Variants in DGKB observed in about 807,000 individuals in gnomAD.
DGKB encodes the protein diacylglycerol kinase beta.
DGKB carries 67 observed loss-of-function variants against 114.3 expected under a neutral mutation model. That is an observed-to-expected ratio of 0.59 (90% CI 0.48 to 0.72). DGKB has a LOEUF of 0.72. Ranked by LOEUF, DGKB falls within the 30% of genes least tolerant of loss-of-function variation. The pLI is 0.00. For missense variants in DGKB, 907 were observed against 975.2 expected (o/e 0.93, Z 0.93); for synonymous variants, 398 against 323.1 (o/e 1.23, Z -2.49).
intron 15 of DGKB, among the ~76,000 whole-genome samples, chr7:14,617,904 C>T (rs1806845130): frequency 1.3e-5 from 2 of 151,674 alleles, no homozygotes; most frequent in Admixed American, 1.3e-4. Context: ...AATTCTGACT[C>T]TTAGCCCTGA....
chr7:14,573,651 A>C (rs1383694620), intron 20 of DGKB, among the ~76,000 whole-genome samples: 1 of 152,092 alleles, frequency 6.6e-6, no homozygotes, highest in Non-Finnish European at 1.5e-5. Context: ...TTTAGGATTA[A>C]AATTTTAATA....
intron 1 of DGKB, among the ~76,000 whole-genome samples, chr7:14,935,346 A>G (rs567558389): frequency 6.6e-6 from 1 of 152,190 alleles, no homozygotes; most frequent in South Asian, 2.1e-4. Flanking sequence ...CCAAGGCTTA[A>G]TAACAGGCGT....
chr7:14,297,681 C>T (rs533604928), intron 23 of DGKB, among the ~76,000 whole-genome samples: 11 of 152,228 alleles, frequency 7.2e-5, no homozygotes, highest in Non-Finnish European at 1.3e-4. Context: ...TCCTAGTCAA[C>T]ATAGTATTGG....
intron 2 of DGKB, among the ~76,000 whole-genome samples, chr7:14,784,524 C>T (rs1839591521): frequency 1.3e-5 from 2 of 151,852 alleles, no homozygotes; most frequent in South Asian, 2.1e-4. Context: ...TAGGTGCACA[C>T]CACCATGCCC....
At chr7:14,358,207 TC>T (rs1301236979) in intron 21 of DGKB, among the ~76,000 whole-genome samples, 1 of 152,208 alleles carries the variant, frequency 6.6e-6, no homozygotes, top group Non-Finnish European at 1.5e-5. Context: ...GGTTTCATTC[TC>T]CCCGTCACTT....
At chr7:14,274,624 C>T (rs141729713) in intron 23 of DGKB, among the ~76,000 whole-genome samples, 1,657 of 152,180 alleles carry the variant, frequency 0.011, 34 homozygotes, top group African/African-American at 0.038. Flanking sequence ...ATATTCATCT[C>T]TTACAGTTTA....
chr7:14,487,136 G>A (rs1179979345), intron 20 of DGKB, among the ~76,000 whole-genome samples: 1 of 152,116 alleles, frequency 6.6e-6, no homozygotes, highest in East Asian at 1.9e-4. Context: ...ACTGCCGAGT[G>A]GTAGTTGTGC....
intron 21 of DGKB, among the ~76,000 whole-genome samples, chr7:14,367,058 T>G (rs951379560): frequency 2.0e-5 from 3 of 152,124 alleles, no homozygotes; most frequent in Non-Finnish European, 4.4e-5. Context: ...TTTCCCAGGC[T>G]AGAGACATGC....
chr7:14,775,464 G>T (rs1482530628), intron 2 of DGKB, among the ~76,000 whole-genome samples: 1 of 150,110 alleles, frequency 6.7e-6, no homozygotes, highest in Admixed American at 6.6e-5. Flanking sequence ...GCCATTGAAA[G>T]TGAAGGCCAA....
intron 6 of DGKB, among the ~76,000 whole-genome samples, chr7:14,708,801 T>C (rs1399113265): frequency 6.7e-6 from 1 of 149,544 alleles, no homozygotes; most frequent in Non-Finnish European, 1.5e-5. Context: ...TTACACCTTA[T>C]ACAAAAATCA....
In DGKB at chr7:14,414,950, C is replaced by T. The variant is rs190582353; in HGVS notation, c.1835+63211G>A. 5.1e-4 allele frequency among the ~76,000 whole-genome samples: 78 copies of T among 151,952 alleles called. 2 individuals are homozygous for T. In the East Asian group the frequency reaches 5.8e-3, roughly 11 times the overall value. On this transcript the variant is annotated intron_variant, in intron 21 of 25. Coordinates refer to ENST00000402815, the MANE Select transcript of DGKB (RefSeq NM_001350709.2). ...AATTTAAATACTCTGAAGAAAGCAC[C>T]TAGTCATTTCAAGACTTTCTGATGT... is the stretch of plus-strand genomic sequence containing the variant.
rs138912413 is a variant in DGKB, at chr7:14,684,937, A to G, written c.829+308T>C. 4.9e-4 allele frequency among the ~76,000 whole-genome samples: 74 copies of G among 152,272 alleles called. 1 individual carries two copies. In the East Asian group the frequency reaches 8.1e-3, roughly 17 times the overall value. On this transcript the variant is annotated intron_variant, in intron 10 of 25. Coordinates refer to ENST00000402815, the MANE Select transcript of DGKB (RefSeq NM_001350709.2). ...ATATGAATAAGATGTAAGTATGAAA[A>G]ACTAGTGGAAATATTCAAAATAATC...
chr7:14,516,945 G>A (rs577159216), intron 20 of DGKB, among the ~76,000 whole-genome samples: 20 of 151,470 alleles, frequency 1.3e-4, no homozygotes, highest in African/African-American at 4.8e-4. Flanking sequence ...CATGGAATTA[G>A]AAAAAAAAAA....
rs1208194857 is a variant in DGKB at position 14,750,798 on chromosome 7, T to TC, written c.168+3129_168+3130insG. On this transcript the variant is annotated intron_variant, in intron 4 of 25. Transcript: ENST00000402815. ...TGAAAAAGCTATTTCTATTTCTTTTTTTTTTTTTTTTTTTTTTTCTGAGAC... is the reference window on the plus strand; with the variant it reads ...TGAAAAAGCTATTTCTATTTCTTTTTCTTTTTTTTTTTTTTTTTTCTGAGAC... 4.3e-4 allele frequency among the ~76,000 whole-genome samples: 55 copies of TC among 128,504 alleles called. 1 individual carries two copies. Among genetic ancestry groups the TC allele is most frequent in the African/African-American group, 1.7e-3 (51 of 29,712 alleles). The allele number at this position is 128,504 out of a possible 152,430, so 84.3% of individuals were successfully genotyped here.
intron 8 of DGKB, among the ~76,000 whole-genome samples, chr7:14,697,763 A>C (rs1824252044): frequency 6.8e-6 from 1 of 146,076 alleles, no homozygotes; most frequent in Non-Finnish European, 1.5e-5. Flanking sequence ...AAAGAAAGAA[A>C]GAAAGAAACA....
intron 20 of DGKB, among the ~76,000 whole-genome samples, chr7:14,535,378 G>GAAAAAAAAAAAAAAAAAAAAAAAAAAA (rs111762380): frequency 1.6e-5 from 2 of 123,590 alleles, no homozygotes; most frequent in African/African-American, 2.9e-5. Context: ...CTTAAAAAAA[G>GAAAAAAAAAAAAAAAAAAAAAAAAAAA]AAAAAAAAAA....
At chr7:14,343,762 C>G (rs1214007352) in intron 22 of DGKB, among the ~76,000 whole-genome samples, 1 of 150,322 alleles carries the variant, frequency 6.7e-6, no homozygotes, top group African/African-American at 2.4e-5. Flanking sequence ...GTATATAAAG[C>G]AGTTTTTTTA....
intron 9 of DGKB, among the ~76,000 whole-genome samples, chr7:14,690,376 C>A (rs1343356808): frequency 4.6e-5 from 7 of 152,214 alleles, no homozygotes; most frequent in Non-Finnish European, 8.8e-5. Context: ...ACGTTCACTG[C>A]TCCTATGCTT....
intron 6 of DGKB, among the ~76,000 whole-genome samples, chr7:14,704,878 A>G (rs1825913246): frequency 2.0e-5 from 3 of 152,142 alleles, no homozygotes; most frequent in South Asian, 2.1e-4. Flanking sequence ...AAAAAACAGA[A>G]CAGAAAAACT....
Sources: gnomAD v4.1 joint callset for allele counts (sites outside exome capture counted in the v4.1 genomes callset) on GRCh38, gnomAD v4.1.1 for gene constraint, MANE v1.5 for transcripts, NCBI Gene and HGNC (gene_info 2026-07-23, HGNC 2026-07-21) for gene names.